The following SLIT3 variants were observed in gnomAD, a reference collection of about 807,000 sequenced individuals.
The protein encoded by SLIT3 is slit homolog 3 protein.
SLIT3 carries 68 observed loss-of-function variants against 184.0 expected under a neutral mutation model. The observed-to-expected ratio is 0.37, with a 90% CI of 0.30 to 0.45. The LOEUF is 0.45. Ranked by LOEUF, SLIT3 falls within the 20% of genes least tolerant of loss-of-function variation. The probability of loss-of-function intolerance (pLI) is 1.00; values close to 1 mark genes in which losing one functional copy is unlikely to be tolerated. For missense variants in SLIT3, 1,707 were observed against 2,026.0 expected (o/e 0.84, Z 3.02); for synonymous variants, 831 against 828.6 (o/e 1.00, Z -0.05).
chr5:169,080,416 G>A (rs79230828), intron 4 of SLIT3, among the ~76,000 whole-genome samples: 20 of 152,140 alleles, frequency 1.3e-4, no homozygotes, highest in Admixed American at 1.3e-3. Flanking sequence ...CTGGGGAGGT[G>A]GGTACTATGA....
At chr5:169,032,667 T>C (rs572972922) in intron 4 of SLIT3, among the ~76,000 whole-genome samples, 69 of 152,154 alleles carry the variant, frequency 4.5e-4, no homozygotes, top group African/African-American at 1.7e-3. Context: ...AGTTATTTTT[T>C]TTTTTGTCCT....
rs746068850 is a variant in SLIT3, at chr5:168,666,251, T to C, written c.*203A>G. 4.2e-6 allele frequency: 2 copies of C among 477,190 alleles called. No homozygotes were observed. The highest frequency in any genetic ancestry group is 1.9e-5 in the African/African-American group (1 of 51,474). 29.6% of individuals were successfully genotyped at this position (477,190 alleles called of 1,614,324 possible). ...ACGCAGATGGTGTAATATATTTATA[T>C]AATAAAAGATGAAAATAGTCACTTT... On this transcript the variant is annotated 3_prime_UTR_variant, in exon 36 of 36. Transcript: ENST00000519560.
At chr5:169,258,313 C>T (rs1373963181) in intron 1 of SLIT3, among the ~76,000 whole-genome samples, 2 of 152,240 alleles carry the variant, frequency 1.3e-5, no homozygotes, top group African/African-American at 4.8e-5. Flanking sequence ...TAAATAAATG[C>T]ACAAACAAAC....
At chr5:168,807,735 T>C (rs1757019734) in intron 8 of SLIT3, among the ~76,000 whole-genome samples, 1 of 152,032 alleles carries the variant, frequency 6.6e-6, no homozygotes, top group Non-Finnish European at 1.5e-5. Context: ...ATGAAAAAAG[T>C]CTGCAGGGAA....
intron 6 of SLIT3, among the ~76,000 whole-genome samples, chr5:168,829,434 C>T (rs1479661803): frequency 1.3e-5 from 2 of 152,208 alleles, no homozygotes; most frequent in Admixed American, 1.3e-4. Flanking sequence ...GATCCAGACT[C>T]CTTGGGTCCA....
At chr5:168,890,199 A>G (rs990738236) in intron 4 of SLIT3, among the ~76,000 whole-genome samples, 2 of 151,586 alleles carry the variant, frequency 1.3e-5, no homozygotes, top group African/African-American at 2.4e-5. Flanking sequence ...CGTTTTATCC[A>G]GAAGAAAGCT....
At chr5:169,275,752 CTCCACCTGGGTCCCT>C (rs1272508767) in intron 1 of SLIT3, among the ~76,000 whole-genome samples, 14 of 152,150 alleles carry the variant, frequency 9.2e-5, no homozygotes, top group Non-Finnish European at 2.9e-5. Flanking sequence ...ATTCAATTAC[CTCCACCTGGGTCCCT>C]TCCACAACAG....
intron 4 of SLIT3, among the ~76,000 whole-genome samples, chr5:168,969,512 G>T (rs1042580373): frequency 2.0e-5 from 3 of 152,164 alleles, no homozygotes; most frequent in African/African-American, 7.2e-5. Context: ...TTTTTCTCCT[G>T]TTGAGGGAAA....
chr5:168,788,151 A>G (rs1000153194), intron 11 of SLIT3, among the ~76,000 whole-genome samples: 35 of 152,002 alleles, frequency 2.3e-4, no homozygotes, highest in Admixed American at 2.2e-3. Flanking sequence ...AAACCAGACA[A>G]GGGAAGAGAG....
chr5:169,122,262 C>G (rs1760909143), intron 4 of SLIT3, among the ~76,000 whole-genome samples: 1 of 152,154 alleles, frequency 6.6e-6, no homozygotes, highest in Non-Finnish European at 1.5e-5. Context: ...GGTCTCAGAC[C>G]ACACTCTCGA....
chr5:168,723,116 C>T, intron 21 of SLIT3, 112 bp from the exon 22 acceptor site: 1 of 735,446 alleles, frequency 1.4e-6, no homozygotes, highest in East Asian at 2.5e-5. Flanking sequence ...CCCATCCACC[C>T]ATCCACCCAC....
At chr5:169,048,627 T>C (rs889069734) in intron 4 of SLIT3, among the ~76,000 whole-genome samples, 1 of 152,202 alleles carries the variant, frequency 6.6e-6, no homozygotes, top group Non-Finnish European at 1.5e-5. Context: ...GTACTCAAAA[T>C]AGCTTGTCCT....
intron 4 of SLIT3, among the ~76,000 whole-genome samples, chr5:168,959,446 G>A (rs940999211): frequency 1.3e-5 from 2 of 152,202 alleles, no homozygotes; most frequent in African/African-American, 4.8e-5. Context: ...TATCCCACAC[G>A]TGAAAACCAC....
intron 12 of SLIT3, among the ~76,000 whole-genome samples, chr5:168,782,218 A>G (rs1357010006): frequency 6.6e-6 from 1 of 152,142 alleles, no homozygotes; most frequent in Non-Finnish European, 1.5e-5. Flanking sequence ...GTCTTAACTT[A>G]TTCCAGCCCG....
chr5:169,209,988 T>C (rs1391113026), intron 3 of SLIT3, among the ~76,000 whole-genome samples: 1 of 152,082 alleles, frequency 6.6e-6, no homozygotes, highest in Non-Finnish European at 1.5e-5. Flanking sequence ...GTGCCTATTC[T>C]GCATCATACT....
At chr5:169,042,869 C>T (rs555087745) in intron 4 of SLIT3, among the ~76,000 whole-genome samples, 26 of 152,058 alleles carry the variant, frequency 1.7e-4, no homozygotes, top group Non-Finnish European at 3.2e-4. Flanking sequence ...AAACTGGAAA[C>T]GATCTGTCCA....
At chr5:168,681,818 C>T (rs1349790197) in intron 32 of SLIT3, among the ~76,000 whole-genome samples, 1 of 152,324 alleles carries the variant, frequency 6.6e-6, no homozygotes, top group East Asian at 1.9e-4. Context: ...CTTCTGGAAG[C>T]CTGGCTTTCA....
intron 2 of SLIT3, among the ~76,000 whole-genome samples, chr5:169,248,770 T>A (rs559405695): frequency 5.9e-5 from 9 of 152,238 alleles, no homozygotes; most frequent in Admixed American, 2.6e-4. Context: ...GCCCTTAGAC[T>A]GCCAAGAAAT....
At chr5:168,734,927 C>T (rs979925344) in intron 20 of SLIT3, among the ~76,000 whole-genome samples, 6 of 152,162 alleles carry the variant, frequency 3.9e-5, no homozygotes, top group African/African-American at 7.2e-5. Context: ...ATGTCCCCGG[C>T]GACCTGGCAG....
Sources: allele counts gnomAD v4.1 joint callset (sites outside exome capture counted in the v4.1 genomes callset), GRCh38; gene constraint gnomAD v4.1.1; transcripts MANE v1.5; gene names NCBI Gene and HGNC (gene_info 2026-07-23, HGNC 2026-07-21).